Variants in STARD13 observed in about 807,000 individuals in gnomAD.
STARD13 encodes the protein StAR related lipid transfer domain containing 13.
A neutral mutation model predicts 106.4 loss-of-function variants in STARD13; 62 were observed. That is an observed-to-expected ratio of 0.58 (90% CI 0.48 to 0.72). The LOEUF is 0.72. Among genes scored for constraint, STARD13 ranks in the 30% least tolerant of loss-of-function variants. The pLI is 0.00. For synonymous variants in STARD13, 565 were observed against 553.0 expected (o/e 1.02, Z -0.31); for missense variants, 1,387 against 1,424.0 (o/e 0.97, Z 0.42).
the STARD13 span, among the ~76,000 whole-genome samples, chr13:33,647,440 T>C: frequency 5.9e-5 from 9 of 152,202 alleles, no homozygotes; most frequent in Non-Finnish European, 1.3e-4. Flanking sequence ...GACTGTCTAG[T>C]AGTTCAGGTC....
chr13:33,156,166 G>T (rs1211238651), intron 3 of STARD13, among the ~76,000 whole-genome samples: 1 of 152,148 alleles, frequency 6.6e-6, no homozygotes, highest in South Asian at 2.1e-4. Context: ...TCAATAAAAG[G>T]GTGGCATTCC....
intron 1 of STARD13, among the ~76,000 whole-genome samples, chr13:33,290,886 T>C (rs1446839297): frequency 6.6e-6 from 1 of 152,240 alleles, no homozygotes; most frequent in African/African-American, 2.4e-5. Flanking sequence ...TGAGACTCAG[T>C]TAAAACCTAT....
the STARD13 span, among the ~76,000 whole-genome samples, chr13:33,516,933 C>T: frequency 2.2e-4 from 29 of 130,044 alleles, no homozygotes; most frequent in African/African-American, 8.5e-4. Context: ...AGAGCAAGAC[C>T]TTGTCTCAGA....
At chr13:33,113,676 AG>A in intron 8 of STARD13, 1 of 451,322 alleles carries the variant, frequency 2.2e-6, no homozygotes, top group Non-Finnish European at 4.5e-6. Context: ...AAGAAGAACC[AG>A]GCAGCCTAAG....
At chr13:33,391,650 C>T in the STARD13 span, among the ~76,000 whole-genome samples, 15 of 152,218 alleles carry the variant, frequency 9.9e-5, no homozygotes, top group South Asian at 3.1e-3. Context: ...GGTAAAGACA[C>T]TTAGGACAGC....
At chr13:33,402,859 C>A in the STARD13 span, among the ~76,000 whole-genome samples, 1 of 152,240 alleles carries the variant, frequency 6.6e-6, no homozygotes, top group East Asian at 1.9e-4. Flanking sequence ...ATCCCCACTT[C>A]CGGCTCCCCA....
At chr13:33,658,634 T>A in the STARD13 span, among the ~76,000 whole-genome samples, 4 of 152,248 alleles carry the variant, frequency 2.6e-5, no homozygotes, top group African/African-American at 7.2e-5. Context: ...TACCAGAGAC[T>A]GTGATATTGC....
intron 1 of STARD13, among the ~76,000 whole-genome samples, chr13:33,199,954 A>G (rs1362680478): frequency 6.6e-6 from 1 of 152,230 alleles, no homozygotes; most frequent in Non-Finnish European, 1.5e-5. Context: ...GTTCTAAATC[A>G]TTGTTTTCCT....
chr13:33,363,120 C>T, the STARD13 span, among the ~76,000 whole-genome samples: 18 of 152,204 alleles, frequency 1.2e-4, no homozygotes, highest in African/African-American at 2.4e-4. Context: ...AATCTTGAAC[C>T]TTTATCTCAG....
chr13:33,599,701 TGAGA>T, the STARD13 span, among the ~76,000 whole-genome samples: 1 of 151,978 alleles, frequency 6.6e-6, no homozygotes, highest in Non-Finnish European at 1.5e-5. Context: ...ACTAGCGCTA[TGAGA>T]GAGAGAGTGA....
chr13:33,107,979 G>A (rs999797978), intron 12 of STARD13, among the ~76,000 whole-genome samples: 1 of 152,210 alleles, frequency 6.6e-6, no homozygotes, highest in South Asian at 2.1e-4. Flanking sequence ...ATATGTGCTT[G>A]ACAAGAACTT....
intron 3 of STARD13, among the ~76,000 whole-genome samples, chr13:33,150,961 G>T (rs1273631982): frequency 6.6e-6 from 1 of 152,118 alleles, no homozygotes; most frequent in Non-Finnish European, 1.5e-5. Flanking sequence ...AAAAAGATAT[G>T]GTCCCTGCCC....
the STARD13 span, among the ~76,000 whole-genome samples, chr13:33,473,717 TA>T: frequency 6.6e-6 from 1 of 152,160 alleles, no homozygotes; most frequent in Non-Finnish European, 1.5e-5. Context: ...TTTTTAGCTG[TA>T]GGTGAATTTC....
At chr13:33,401,847 A>G in the STARD13 span, among the ~76,000 whole-genome samples, 1 of 152,182 alleles carries the variant, frequency 6.6e-6, no homozygotes, top group Non-Finnish European at 1.5e-5. Flanking sequence ...ATTTTTTCCC[A>G]TTAAACTTCA....
At chr13:33,529,674 C>CA in the STARD13 span, among the ~76,000 whole-genome samples, 12 of 151,896 alleles carry the variant, frequency 7.9e-5, no homozygotes, top group Admixed American at 3.3e-4. Context: ...GGAAAACAGA[C>CA]AAAAAAAGCA....
At chr13:33,469,121 A>G in the STARD13 span, among the ~76,000 whole-genome samples, 1 of 152,350 alleles carries the variant, frequency 6.6e-6, no homozygotes, top group African/African-American at 2.4e-5. Flanking sequence ...CACTGGACTA[A>G]GCACTTTATA....
At chr13:33,320,875 T>C (rs909484250) in intron 1 of STARD13, among the ~76,000 whole-genome samples, 1 of 152,168 alleles carries the variant, frequency 6.6e-6, no homozygotes, top group Non-Finnish European at 1.5e-5. Context: ...ACATTTTCAG[T>C]AGAAGTTGTC....
chr13:33,253,168 G>C (rs1036966172), intron 1 of STARD13, among the ~76,000 whole-genome samples: 1 of 152,132 alleles, frequency 6.6e-6, no homozygotes, highest in Admixed American at 6.5e-5. Flanking sequence ...CTGCTAAAAG[G>C]ATAGTTTTTA....
At chr13:33,251,202 T>C (rs1890080303) in intron 1 of STARD13, among the ~76,000 whole-genome samples, 1 of 152,204 alleles carries the variant, frequency 6.6e-6, no homozygotes. Context: ...GAGATGATGC[T>C]GCACAAACAT....
Sources: allele counts gnomAD v4.1 joint callset (sites outside exome capture counted in the v4.1 genomes callset), GRCh38; gene constraint gnomAD v4.1.1; transcripts MANE v1.5; gene names NCBI Gene and HGNC (gene_info 2026-07-23, HGNC 2026-07-21).